TAS2R1: variants seen among roughly 807,000 people sequenced by gnomAD.
The protein encoded by TAS2R1 is taste 2 receptor member 1, also known as taste receptor type 2 member 1.
For synonymous variants in TAS2R1, 141 were observed against 134.2 expected, an observed-to-expected ratio of 1.05 and a Z score of -0.35; for missense variants, 370 against 353.4, an observed-to-expected ratio of 1.05 and a Z score of -0.38.
intron 1 of TAS2R1, among the ~76,000 whole-genome samples, chr5:9,700,963 T>C (rs1478722257): frequency 6.6e-6 from 1 of 152,142 alleles, no homozygotes; most frequent in African/African-American, 2.4e-5. Context: ...ACATATCAAT[T>C]GTGTGCAAGT....
At chr5:9,754,327 A>C in the TAS2R1 span, among the ~76,000 whole-genome samples, 1 of 152,200 alleles carries the variant, frequency 6.6e-6, no homozygotes, top group Non-Finnish European at 1.5e-5. Context: ...AACTGGAAGC[A>C]TTCCCTTTGA....
At chr5:9,900,618 G>GTTTTTTT in the TAS2R1 span, among the ~76,000 whole-genome samples, 4,142 of 119,752 alleles carry the variant, frequency 0.035, 113 homozygotes, top group South Asian at 0.054. Context: ...TGCTCAAATG[G>GTTTTTTT]TTTTTTTTTT....
rs555835643 is a variant in TAS2R1, at chr5:9,630,132, G to A, written c.-100C>T. On this transcript the variant is annotated 5_prime_UTR_variant, in exon 1 of 1. Transcript: ENST00000382492. ...CTTCAATTAGATCAGGACTCCTCTG[G>A]GGAAGAAGACTAACAATAAAGGCAT... is the stretch of plus-strand genomic sequence containing the variant. 109 of 1,002,928 alleles carry A rather than the reference G, an allele frequency of 1.1e-4. No individual in the cohort carries two copies. The highest frequency in any genetic ancestry group is 1.6e-4 in the East Asian group (6 of 37,650). The allele number at this position is 1,002,928 out of a possible 1,614,324, so 62.1% of individuals were successfully genotyped here.
At chr5:9,637,779 G>T (rs1378741543) in intron 2 of TAS2R1, among the ~76,000 whole-genome samples, 1 of 151,922 alleles carries the variant, frequency 6.6e-6, no homozygotes, top group African/African-American at 2.4e-5. Flanking sequence ...TCCAGAATTT[G>T]TTAGTGTTTT....
chr5:9,814,412 T>G, the TAS2R1 span, among the ~76,000 whole-genome samples: 1 of 152,196 alleles, frequency 6.6e-6, no homozygotes, highest in Non-Finnish European at 1.5e-5. Context: ...AGTAAAAAAT[T>G]TGGAAATCAA....
the TAS2R1 span, among the ~76,000 whole-genome samples, chr5:9,841,116 T>C: frequency 5.9e-5 from 9 of 152,178 alleles, no homozygotes; most frequent in Non-Finnish European, 1.0e-4. Flanking sequence ...AAGTCAGCTG[T>C]CTGTCTTATA....
chr5:9,723,537 T>C, the TAS2R1 span, among the ~76,000 whole-genome samples: 3 of 152,284 alleles, frequency 2.0e-5, no homozygotes, highest in Admixed American at 1.3e-4. Flanking sequence ...ACACTCCCCC[T>C]TCCCAGGGCT....
the TAS2R1 span, among the ~76,000 whole-genome samples, chr5:9,836,435 G>A: frequency 1.3e-5 from 2 of 151,956 alleles, no homozygotes; most frequent in Admixed American, 6.6e-5. Context: ...TGCATTGTGG[G>A]GTGTTTAGCA....
At chr5:9,870,665 T>C in the TAS2R1 span, among the ~76,000 whole-genome samples, 13 of 152,186 alleles carry the variant, frequency 8.5e-5, no homozygotes, top group African/African-American at 2.9e-4. Context: ...CATAAAGTAT[T>C]ATAAATGTGA....
chr5:9,856,011 T>C, the TAS2R1 span, among the ~76,000 whole-genome samples: 2 of 152,154 alleles, frequency 1.3e-5, no homozygotes, highest in Admixed American at 6.5e-5. Flanking sequence ...GAAAAGATTA[T>C]GCCTTTGAAT....
At chr5:9,859,155 C>T in the TAS2R1 span, among the ~76,000 whole-genome samples, 1 of 152,198 alleles carries the variant, frequency 6.6e-6, no homozygotes, top group Non-Finnish European at 1.5e-5. Flanking sequence ...AAATCCTCAC[C>T]TCATAGCAGT....
At chr5:9,718,881 A>G in the TAS2R1 span, among the ~76,000 whole-genome samples, 3 of 152,242 alleles carry the variant, frequency 2.0e-5, no homozygotes, top group Non-Finnish European at 2.9e-5. Flanking sequence ...GTATTAAAAA[A>G]AAAAATCAAT....
chr5:9,865,630 T>C, the TAS2R1 span, among the ~76,000 whole-genome samples: 29 of 152,242 alleles, frequency 1.9e-4, no homozygotes, highest in African/African-American at 6.5e-4. Flanking sequence ...GTATTTCTTT[T>C]ATTTCCACTT....
the TAS2R1 span, among the ~76,000 whole-genome samples, chr5:9,754,007 A>C: frequency 6.6e-6 from 1 of 152,094 alleles, no homozygotes; most frequent in African/African-American, 2.4e-5. Flanking sequence ...GAAAATCCTC[A>C]ATAAAATACT....
intron 1 of TAS2R1, among the ~76,000 whole-genome samples, chr5:9,664,301 T>G (rs1221322872): frequency 6.6e-6 from 1 of 152,166 alleles, no homozygotes; most frequent in Non-Finnish European, 1.5e-5. Flanking sequence ...ATCAAATACA[T>G]CAGATGTCAA....
the TAS2R1 span, among the ~76,000 whole-genome samples, chr5:9,718,038 C>G: frequency 6.6e-6 from 1 of 152,116 alleles, no homozygotes; most frequent in Non-Finnish European, 1.5e-5. Flanking sequence ...CGGCTCACTG[C>G]AACCTCTGCC....
At chr5:9,714,796 T>A (rs1204946822), upstream of TAS2R1, among the ~76,000 whole-genome samples, 1 of 152,248 alleles carries the variant, frequency 6.6e-6, no homozygotes, top group Non-Finnish European at 1.5e-5. Context: ...TTCTGAAAGA[T>A]CGAAGAGCCA....
chr5:9,895,029 A>G, the TAS2R1 span, among the ~76,000 whole-genome samples: 1 of 152,246 alleles, frequency 6.6e-6, no homozygotes, highest in Non-Finnish European at 1.5e-5. Flanking sequence ...TTCCTGATGA[A>G]CAAGTATAGC....
At chr5:9,846,088 AAAAGGTGTGTAACAC>A in the TAS2R1 span, among the ~76,000 whole-genome samples, 1 of 152,226 alleles carries the variant, frequency 6.6e-6, no homozygotes, top group Non-Finnish European at 1.5e-5. Flanking sequence ...TAATAGTAGA[AAAAGGTGTGTAACAC>A]AAATATAATT....
Sources: allele counts gnomAD v4.1 joint callset (sites outside exome capture counted in the v4.1 genomes callset), GRCh38; gene constraint gnomAD v4.1.1; transcripts MANE v1.5; gene names NCBI Gene and HGNC (gene_info 2026-07-23, HGNC 2026-07-21).